Variants in BMERB1 observed in about 807,000 individuals in gnomAD.
BMERB1 encodes the protein bMERB domain-containing protein 1.
Under a neutral mutation model 23.6 loss-of-function variants are expected in BMERB1, and 12 were observed. The observed-to-expected ratio is 0.51, with a 90% confidence interval of 0.33 to 0.82. The LOEUF (loss-of-function observed/expected upper bound fraction) is 0.82, where lower values mean the gene tolerates loss of function less well. BMERB1 is among the 40% of genes least tolerant of loss of function. The pLI, the probability that BMERB1 is intolerant of heterozygous loss-of-function variation, is 0.03. For missense variants in BMERB1, 247 were observed against 255.4 expected (o/e 0.97, Z 0.22); for synonymous variants, 122 against 96.6 (o/e 1.26, Z -1.54).
chr16:15,456,007 G>T (rs1476886321), intron 1 of BMERB1, among the ~76,000 whole-genome samples: 1 of 152,128 alleles, frequency 6.6e-6, no homozygotes, highest in Non-Finnish European at 1.5e-5. Flanking sequence ...AAGTAATTTG[G>T]TGGTATTCAT....
intron 2 of BMERB1, among the ~76,000 whole-genome samples, chr16:15,546,281 C>G (rs1426103208): frequency 6.6e-6 from 1 of 152,222 alleles, no homozygotes; most frequent in Non-Finnish European, 1.5e-5. Flanking sequence ...GAGCAAGACC[C>G]TGTTTCCCTG....
At chr16:15,498,589 A>G (rs192395085) in intron 1 of BMERB1, among the ~76,000 whole-genome samples, 2,098 of 151,612 alleles carry the variant, frequency 0.014, 56 homozygotes, top group African/African-American at 0.049. Context: ...ATGGGAAGGG[A>G]AGGGAAGGGA....
At chr16:15,443,482 G>C (rs1352247598) in intron 1 of BMERB1, among the ~76,000 whole-genome samples, 2 of 150,022 alleles carry the variant, frequency 1.3e-5, no homozygotes, top group Non-Finnish European at 3.0e-5. Context: ...CGGAAGCTGT[G>C]GTGAGCCAAG....
chr16:15,558,440 G>C (rs1173557865), intron 2 of BMERB1, among the ~76,000 whole-genome samples: 1 of 152,126 alleles, frequency 6.6e-6, no homozygotes, highest in Non-Finnish European at 1.5e-5. Flanking sequence ...TCTTCATAGG[G>C]TGCATGTTTA....
chr16:15,502,279 C>T, intron 1 of BMERB1: 2 of 1,551,096 alleles, frequency 1.3e-6, no homozygotes, highest in Non-Finnish European at 1.7e-6. Flanking sequence ...CAATCATAGC[C>T]AGGATGTGAA....
At chr16:15,533,752 A>G (rs2051993084) in intron 2 of BMERB1, among the ~76,000 whole-genome samples, 1 of 152,088 alleles carries the variant, frequency 6.6e-6, no homozygotes, top group South Asian at 2.1e-4. Flanking sequence ...CAAGAATAAC[A>G]AGAGAGACAG....
chr16:15,467,971 A>G (rs1330446472), intron 1 of BMERB1, among the ~76,000 whole-genome samples: 1 of 152,076 alleles, frequency 6.6e-6, no homozygotes, highest in Non-Finnish European at 1.5e-5. Flanking sequence ...ACAGACTGAG[A>G]ATCAATAGAA....
intron 1 of BMERB1, among the ~76,000 whole-genome samples, chr16:15,457,371 C>G (rs1216360487): frequency 6.6e-6 from 1 of 152,176 alleles, no homozygotes; most frequent in Non-Finnish European, 1.5e-5. Flanking sequence ...ACTGGTTGAC[C>G]TTTGACAAGC....
chr16:15,465,128 C>G (rs1218820054), intron 1 of BMERB1, among the ~76,000 whole-genome samples: 2 of 152,126 alleles, frequency 1.3e-5, no homozygotes, highest in East Asian at 3.8e-4. Context: ...CACATACACA[C>G]ACACACCAAT....
chr16:15,495,598 C>T (rs545581450), intron 1 of BMERB1, among the ~76,000 whole-genome samples: 43 of 152,202 alleles, frequency 2.8e-4, no homozygotes, highest in African/African-American at 1.0e-3. Context: ...AATCTCCTGA[C>T]CTCGTGATCT....
chr16:15,434,855 A>T (rs2050873530), intron 1 of BMERB1, 96 bp downstream of exon 1: 1 of 1,062,940 alleles, frequency 9.4e-7, no homozygotes, highest in South Asian at 1.6e-5. Context: ...CCAGCAGTGG[A>T]CCCAGGGAAG....
intron 3 of BMERB1, among the ~76,000 whole-genome samples, chr16:15,568,886 GT>G (rs1413301465): frequency 6.6e-6 from 1 of 152,094 alleles, no homozygotes; most frequent in Non-Finnish European, 1.5e-5. Flanking sequence ...CCATCAGGCT[GT>G]GTTAGTTGCC....
At chr16:15,446,233 A>G (rs1263096179) in intron 1 of BMERB1, among the ~76,000 whole-genome samples, 1 of 152,040 alleles carries the variant, frequency 6.6e-6, no homozygotes, top group African/African-American at 2.4e-5. Flanking sequence ...TCTACAAAAA[A>G]ATAAAAAAAT....
chr16:15,471,447 G>C (rs1455515244), intron 1 of BMERB1, among the ~76,000 whole-genome samples: 2 of 152,178 alleles, frequency 1.3e-5, no homozygotes, highest in Admixed American at 1.3e-4. Flanking sequence ...GTTTGGTAGA[G>C]TGTTGTTTTT....
intron 1 of BMERB1, among the ~76,000 whole-genome samples, chr16:15,463,011 G>A (rs1316810877): frequency 1.3e-5 from 2 of 152,044 alleles, no homozygotes; most frequent in Admixed American, 1.3e-4. Context: ...CAGGTGGCCA[G>A]TTTGTTTCCA....
chr16:15,463,659 T>C (rs2051156009), intron 1 of BMERB1, among the ~76,000 whole-genome samples: 1 of 152,062 alleles, frequency 6.6e-6, no homozygotes, highest in Non-Finnish European at 1.5e-5. Flanking sequence ...TCGTAGTAAC[T>C]TCTCACCTTA....
intron 1 of BMERB1, among the ~76,000 whole-genome samples, chr16:15,479,095 TA>T (rs1351684681): frequency 2.6e-5 from 4 of 152,230 alleles, no homozygotes; most frequent in African/African-American, 9.6e-5. Flanking sequence ...AATGAGTAAA[TA>T]AGCCTGTCAC....
chr16:15,573,745 A>G (rs947216914), intron 3 of BMERB1, among the ~76,000 whole-genome samples: 1 of 152,148 alleles, frequency 6.6e-6, no homozygotes, highest in Non-Finnish European at 1.5e-5. Flanking sequence ...TGTTAAGTCC[A>G]TTTTCACACT....
At chr16:15,577,834 G>A (rs1259503086) in intron 3 of BMERB1, among the ~76,000 whole-genome samples, 1 of 152,224 alleles carries the variant, frequency 6.6e-6, no homozygotes, top group African/African-American at 2.4e-5. Flanking sequence ...AGTGTTCCTA[G>A]AGGAAGGTCA....
Sources: allele counts gnomAD v4.1 joint callset (sites outside exome capture counted in the v4.1 genomes callset), GRCh38; gene constraint gnomAD v4.1.1; transcripts MANE v1.5; gene names NCBI Gene and HGNC (gene_info 2026-07-23, HGNC 2026-07-21).